Variants in SECISBP2L observed in about 807,000 individuals in gnomAD.
SECISBP2L encodes SECIS binding protein 2 like, also known as selenocysteine insertion sequence-binding protein 2-like.
In SECISBP2L, 43 loss-of-function variants were observed where a neutral mutation model predicts 114.7. The ratio of observed to expected loss-of-function variants is 0.38; its 90% CI spans 0.29 to 0.48. The LOEUF (loss-of-function observed/expected upper bound fraction) is 0.48. SECISBP2L is among the 20% of genes least tolerant of loss of function. The pLI is 0.98. For synonymous variants in SECISBP2L, 451 were observed against 439.7 expected, an observed-to-expected ratio of 1.03 and a Z score of -0.32; for missense variants, 1,136 against 1,301.1, an observed-to-expected ratio of 0.87 and a Z score of 1.95.
intron 1 of SECISBP2L, chr15:49,042,487 C>T (rs910583286): frequency 6.6e-6 from 1 of 152,240 alleles, no homozygotes; most frequent in Non-Finnish European, 1.5e-5. Flanking sequence ...TGGAGTTTCC[C>T]CACTCCAGGG....
chr15:49,028,773 T>C (rs531760250), intron 4 of SECISBP2L, 91 bp from the exon 5 acceptor site: 176 of 1,072,230 alleles, frequency 1.6e-4, no homozygotes, highest in Non-Finnish European at 2.0e-4. Context: ...AGAAAATAGA[T>C]ACCAAACTTC....
chr15:49,027,799 T>C (rs898942151), intron 6 of SECISBP2L, among the ~76,000 whole-genome samples: 1 of 151,916 alleles, frequency 6.6e-6, no homozygotes, highest in African/African-American at 2.4e-5. Flanking sequence ...TTACTAGAGA[T>C]TGGGTTTCAT....
At chr15:49,003,930 G>GT (rs1229298620) in intron 14 of SECISBP2L, among the ~76,000 whole-genome samples, 3 of 152,188 alleles carry the variant, frequency 2.0e-5, no homozygotes, top group Non-Finnish European at 4.4e-5. Flanking sequence ...CCAGGTTTTG[G>GT]TATCAGGATG....
Position 49,024,925 on chromosome 15 carries a change from C to A in SECISBP2L, c.1035+2440G>T, listed in dbSNP as rs1367334698. Among the ~76,000 whole-genome samples the A allele has an allele frequency of 3.3e-5, 5 of 152,082 alleles. No homozygotes were observed. In the East Asian group the frequency reaches 9.6e-4, roughly 29 times the overall value. The stretch of plus-strand genomic sequence containing the variant: ...TATTTGCAAAGTTTTCTTTTTTGTT[C>A]TTTTAACATTCCTCATCAAGTTTTG... On this transcript the variant is annotated intron_variant, in intron 7 of 17. Coordinates refer to ENST00000559471, the MANE Select transcript of SECISBP2L (RefSeq NM_001193489.2).
chr15:49,035,254 T>C, intron 3 of SECISBP2L, 80 bp downstream of exon 3: 1 of 1,250,232 alleles, frequency 8.0e-7, no homozygotes. Context: ...GCATTAATGG[T>C]CAATCAACCC....
At chr15:49,040,941 TAAAA>T (rs139854856) in intron 1 of SECISBP2L, among the ~76,000 whole-genome samples, 1 of 145,476 alleles carries the variant, frequency 6.9e-6, no homozygotes, top group African/African-American at 2.5e-5. Flanking sequence ...ATTATACAAA[TAAAA>T]AAAAAAGCCT....
At chr15:49,042,853 A>G (rs950908976) in intron 1 of SECISBP2L, among the ~76,000 whole-genome samples, 3 of 152,080 alleles carry the variant, frequency 2.0e-5, no homozygotes, top group Non-Finnish European at 4.4e-5. Context: ...AACATGGTGA[A>G]ACCCCATCTC....
At chr15:49,046,082 G>A (rs1022814839) in intron 1 of SECISBP2L, among the ~76,000 whole-genome samples, 194 bp downstream of exon 1, 4 of 152,208 alleles carry the variant, frequency 2.6e-5, no homozygotes, top group East Asian at 1.9e-4. Context: ...AGTAATCAGG[G>A]TTGGAAAAGC....
intron 11 of SECISBP2L, among the ~76,000 whole-genome samples, chr15:49,015,923 G>A (rs1206476361): frequency 6.6e-6 from 1 of 152,164 alleles, no homozygotes; most frequent in Non-Finnish European, 1.5e-5. Context: ...TGATACCTGG[G>A]GAAAGAGCAT....
chr15:49,020,097 C>T (rs1902610984), intron 7 of SECISBP2L, among the ~76,000 whole-genome samples: 1 of 152,152 alleles, frequency 6.6e-6, no homozygotes, highest in Non-Finnish European at 1.5e-5. Context: ...CAGGAGGGTC[C>T]TTGTGATGAT....
intron 14 of SECISBP2L, among the ~76,000 whole-genome samples, chr15:49,005,577 TTTTTTTTTTTTG>T: frequency 7.1e-6 from 1 of 141,186 alleles, no homozygotes; most frequent in East Asian, 2.0e-4. Flanking sequence ...TTTTTTTTTT[TTTTTTTTTTTTG>T]CTTTCCATTT....
At chr15:48,995,148 C>A (rs1006654813) in intron 17 of SECISBP2L, among the ~76,000 whole-genome samples, 2 of 152,216 alleles carry the variant, frequency 1.3e-5, no homozygotes, top group Non-Finnish European at 2.9e-5. Context: ...GTGCCCATAT[C>A]ATTTGTTACT....
Position 49,035,635 on chromosome 15 carries a change from T to A in SECISBP2L, c.227A>T (p.Asp76Val). ...TGGATTGGGTTGTTGCCATCGTATA[T>A]CATTGTTATATAAAGGAAACTGTCT... ...SNRQFPLYNN[D>V]IRWQQPNPNP... Residue 76 changes from aspartate to valine, a missense_variant, in exon 3 of 18, where the codon GAT becomes GTT. Physicochemically the swap from Asp to Val is radical, Grantham distance 152. Transcript: ENST00000559471. The A allele has an allele frequency of 6.2e-7, 1 of 1,611,530 alleles. No individual in the cohort carries two copies. Among genetic ancestry groups the A allele is most frequent in the South Asian group, 1.1e-5 (1 of 90,982 alleles).
Position 49,000,990 on chromosome 15 carries a change from G to T in SECISBP2L, c.2135C>A (p.Ala712Glu). ...CATAACGAGTCGTCTCCTTGCTTTTGCTCTTACAGGATCTTTTTGGTAGAT... is the reference window on the plus strand; with the variant it reads ...CATAACGAGTCGTCTCCTTGCTTTTTCTCTTACAGGATCTTTTTGGTAGAT... ...ERIYQKDPVR[A>E]KARRRLVMGL... Residue 712 changes from alanine to glutamate, a missense_variant, in exon 15 of 18, where the codon GCA (alanine) becomes GAA (glutamate). Ala to Glu is a moderately radical substitution (Grantham distance 107). Coordinates refer to ENST00000559471, the MANE Select transcript of SECISBP2L (RefSeq NM_001193489.2). 2 of 1,613,742 alleles carry T rather than the reference G, an allele frequency of 1.2e-6. No homozygotes were observed. The highest frequency in any genetic ancestry group is 1.3e-5 in the African/African-American group (1 of 74,974).
At chr15:49,024,511 A>G (rs868337082) in intron 7 of SECISBP2L, among the ~76,000 whole-genome samples, 8 of 151,830 alleles carry the variant, frequency 5.3e-5, no homozygotes, top group Middle Eastern at 3.4e-3. Context: ...AAAAAAAAAA[A>G]AAAGAAAGAA....
chr15:49,033,023 T>C lies in SECISBP2L; in HGVS notation c.606A>G (p.Ala202=), dbSNP rs17853134. The change falls in exon 4 of 18, where the codon GCA becomes GCG. Residue 202 remains alanine, a synonymous_variant. Transcript: ENST00000559471. ...TTTTTGATCGACTATCAGGACCTGCTGCATTTGTTTCTTTCTGAGTAGCTA... is the reference window on the plus strand; with the variant it reads ...TTTTTGATCGACTATCAGGACCTGCCGCATTTGTTTCTTTCTGAGTAGCTA... ...KNVATQKETN[A]AGPDSRSKIV... is the part of the protein sequence containing the mutation. 6.2e-7 allele frequency: 1 copy of C among 1,614,170 alleles called. No individual in the cohort carries two copies. The highest frequency in any genetic ancestry group is 8.5e-7 in the Non-Finnish European group (1 of 1,180,014).
At position 48,992,434 on chromosome 15, in the gene SECISBP2L, C is replaced by A. The variant is rs144390326; in HGVS notation, c.3116G>T (p.Gly1039Val). 744 of 1,614,158 alleles carry A rather than the reference C, an allele frequency of 4.6e-4. 2 individuals are homozygous for A. In the African/African-American group the frequency reaches 8.8e-3, roughly 19 times the overall value. ...ETLQLGKTLN[G>V]SEEDNVEQSG... ...TTGCTCTACATTGTCTTCCTCAGAA[C>A]CATTAAGGGTTTTTCCAAGCTGAAG... The change falls in exon 18 of 18, where the codon GGT becomes GTT. Residue 1039 changes from glycine to valine, a missense_variant. Coordinates refer to ENST00000559471, the MANE Select transcript of SECISBP2L (RefSeq NM_001193489.2).
Position 49,016,700 on chromosome 15 carries a change from T to G in SECISBP2L, c.1421A>C (p.Glu474Ala), listed in dbSNP as rs1429117257. Residue 474 changes from glutamate to alanine, a missense_variant and splice_region_variant, in exon 11 of 18, where the codon GAA becomes GCA. Glu to Ala is a moderately radical substitution (Grantham distance 107). Around this residue, in one of 2 missense-constraint regions of SECISBP2L, gnomAD observed 684 missense variants for 848.7 expected, o/e 0.81. Coordinates refer to ENST00000559471, the MANE Select transcript of SECISBP2L (RefSeq NM_001193489.2). ...EISMEQKKLQ[E>A]ALSKAAGKKN... ...TTTTCCAGCTGCTTTTGATAAAGCTTCCTACAAAATAAATATAAAAAATTA... is the reference window on the plus strand; with the variant it reads ...TTTTCCAGCTGCTTTTGATAAAGCTGCCTACAAAATAAATATAAAAAATTA... 1 of 1,559,694 alleles carries G rather than the reference T, an allele frequency of 6.4e-7. No homozygotes were observed. Among genetic ancestry groups the G allele is most frequent in the African/African-American group, 1.4e-5 (1 of 72,122 alleles).
chr15:49,024,301 G>C (rs768578456), intron 7 of SECISBP2L, among the ~76,000 whole-genome samples: 2 of 152,154 alleles, frequency 1.3e-5, no homozygotes, highest in East Asian at 3.9e-4. Context: ...TTTGAGACCA[G>C]CCTGGCCAAC....
Sources: allele counts gnomAD v4.1 joint callset (sites outside exome capture counted in the v4.1 genomes callset), GRCh38; gene constraint gnomAD v4.1.1; regional missense constraint gnomAD v4.1.1; transcripts MANE v1.5; gene names NCBI Gene and HGNC (gene_info 2026-07-23, HGNC 2026-07-21).